FAT4: variants seen among roughly 807,000 people sequenced by gnomAD.
The protein encoded by FAT4 is FAT atypical cadherin 4.
In FAT4, 84 loss-of-function variants were observed where a neutral mutation model predicts 303.9. That is an observed-to-expected ratio of 0.28 (90% CI 0.23 to 0.33). The LOEUF (loss-of-function observed/expected upper bound fraction) is 0.33. Among genes scored for constraint, FAT4 ranks in the 10% least tolerant of loss-of-function variants. The pLI is 1.00. For missense variants in FAT4, 6,005 were observed against 6,146.8 expected (o/e 0.98, Z 0.77); for synonymous variants, 2,307 against 2,298.8 (o/e 1.00, Z -0.10).
Position 125,407,063 on chromosome 4 carries a change from G to A in FAT4, c.5491G>A (p.Val1831Ile), listed in dbSNP as rs1351165195. The part of the protein sequence containing the change: ...QSSDMRINIT[V>I]SDVNDHTPKF... ...CTCGGATATGAGAATTAATATCACT[G>A]TCAGTGATGTGAATGACCATACACC... Residue 1831 changes from valine to isoleucine, a missense_variant, in exon 4 of 18, where the codon GTC becomes ATC. Transcript: ENST00000394329. 10 of 1,613,754 alleles carry A rather than the reference G, an allele frequency of 6.2e-6. No individual in the cohort carries two copies. In the South Asian group the frequency reaches 1.1e-4, roughly 18 times the overall value.
intron 2 of FAT4, among the ~76,000 whole-genome samples, chr4:125,371,352 G>A (rs948892467): frequency 2.0e-5 from 3 of 151,776 alleles, no homozygotes; most frequent in Admixed American, 6.6e-5. Flanking sequence ...ATATTATACT[G>A]TGTATGCCTT....
intron 10 of FAT4, among the ~76,000 whole-genome samples, chr4:125,460,483 T>C (rs918098212): frequency 2.6e-5 from 4 of 152,170 alleles, no homozygotes; most frequent in African/African-American, 4.8e-5. Context: ...TCCTTCTCTG[T>C]GTCCATGTGT....
At chr4:125,379,001 C>T (rs534879835) in intron 2 of FAT4, among the ~76,000 whole-genome samples, 62 of 151,098 alleles carry the variant, frequency 4.1e-4, no homozygotes, top group African/African-American at 1.4e-3. Flanking sequence ...AGGTGCATCA[C>T]GTGAACAAGA....
Position 125,318,023 on chromosome 4 carries a change from G to T in FAT4, c.1612G>T (p.Gly538Trp). The T allele has an allele frequency of 6.2e-7, 1 of 1,614,156 alleles. No individual in the cohort carries two copies. The highest frequency in any genetic ancestry group is 8.5e-7 in the Non-Finnish European group (1 of 1,180,022). ...HSGLVTTGSS[G>W]GLDRELASQI... is the part of the protein sequence containing the mutation. ...CGGCCTCGTGACCACTGGGTCCTCT[G>T]GGGGCCTGGACCGTGAACTTGCTTC... Residue 538 changes from glycine (G) to tryptophan (W), a missense_variant, in exon 2 of 18, where the codon GGG becomes TGG. By Grantham distance (184) the Gly-to-Trp change is radical. Transcript: ENST00000394329.
At position 125,487,494 on chromosome 4, in the gene FAT4, A is replaced by C; in HGVS notation, c.12972A>C (p.Arg4324Ser). 1 of 1,614,140 alleles carries C rather than the reference A, an allele frequency of 6.2e-7. No individual in the cohort carries two copies. Among genetic ancestry groups the C allele is most frequent in the Non-Finnish European group, 8.5e-7 (1 of 1,179,988 alleles). The change falls in exon 17 of 18, where the codon AGA becomes AGC. Residue 4324 changes from arginine (R) to serine (S), a missense_variant. Arg to Ser is a moderately radical substitution (Grantham distance 110). Transcript: ENST00000394329. ...NGTATVLSVD[R>S]IYNRDIIHPT... Reference sequence around the variant, plus strand: ...CAGCAACAGTATTGTCTGTTGACAGAATATATAACAGAGATATTATCCACC... The same window carrying C: ...CAGCAACAGTATTGTCTGTTGACAGCATATATAACAGAGATATTATCCACC...
Position 125,449,474 on chromosome 4 carries a change from A to G in FAT4, c.8464A>G (p.Ile2822Val), listed in dbSNP as rs761171886. 14 of 1,613,752 alleles carry G rather than the reference A, an allele frequency of 8.7e-6. No homozygotes were observed. The highest frequency in any genetic ancestry group is 2.7e-5 in the African/African-American group (2 of 74,908). Residue 2822 changes from isoleucine to valine, a missense_variant, in exon 10 of 18, where the codon ATT becomes GTT. Transcript: ENST00000394329. ...SIMDASLPFT[I>V]NPSTGDIVIS... ...AATGGATGCAAGTCTTCCATTTACAATTAATCCCAGCACAGGGGATATTGT... is the reference window on the plus strand; with the variant it reads ...AATGGATGCAAGTCTTCCATTTACAGTTAATCCCAGCACAGGGGATATTGT...
At chr4:125,388,079 G>C (rs1733830124) in intron 2 of FAT4, among the ~76,000 whole-genome samples, 1 of 152,186 alleles carries the variant, frequency 6.6e-6, no homozygotes, top group Admixed American at 6.5e-5. Context: ...TCTGGTAGTA[G>C]TGGGCTAGCA....
intron 12 of FAT4, among the ~76,000 whole-genome samples, chr4:125,473,035 A>C (rs1318391497): frequency 2.6e-5 from 4 of 152,142 alleles, no homozygotes; most frequent in Non-Finnish European, 4.4e-5. Flanking sequence ...TATTTAATTT[A>C]TATAGTGTTT....
Position 125,316,183 on chromosome 4 carries a change from G to C in FAT4, c.-13+206G>C, listed in dbSNP as rs971339519. On this transcript the variant is annotated intron_variant, in intron 1 of 17. Transcript: ENST00000394329. The surrounding 1 kb of genome is among the most constrained non-coding windows in gnomAD (Gnocchi z 5.7). ...ACAGGAGTGTCCCGCGGAATGCCCT[G>C]CCGCTTTTCGCCACAGCATCTCTCT... Among the ~76,000 whole-genome samples, 6 of 152,102 alleles carry C rather than the reference G, an allele frequency of 3.9e-5. No homozygotes were observed. The highest frequency in any genetic ancestry group is 7.4e-5 in the Non-Finnish European group (5 of 68,020).
intron 7 of FAT4, among the ~76,000 whole-genome samples, chr4:125,432,978 C>A (rs932909602): frequency 6.6e-6 from 1 of 152,222 alleles, no homozygotes; most frequent in East Asian, 1.9e-4. Flanking sequence ...TCTCCAAAAC[C>A]ATTTCATTCC....
chr4:125,368,917 A>G (rs1214307700), intron 2 of FAT4, among the ~76,000 whole-genome samples: 1 of 152,140 alleles, frequency 6.6e-6, no homozygotes, highest in East Asian at 1.9e-4. Flanking sequence ...GTTGCTGTAC[A>G]CCCTTTAGAC....
chr4:125,320,273 G>A lies in FAT4; in HGVS notation c.3862G>A (p.Val1288Met), dbSNP rs775537898. ...TGCCTATTCCCTTGTAATTCAAGCA[G>A]TGGATTCAGGGACAATCCCCCTCAA... ...TPAYSLVIQA[V>M]DSGTIPLNST... Residue 1288 changes from valine (V) to methionine (M), a missense_variant, in exon 2 of 18, where the codon GTG becomes ATG. By Grantham distance (21) the Val-to-Met change is conservative (BLOSUM62 1). Coordinates refer to ENST00000394329, the MANE Select transcript of FAT4 (RefSeq NM_001291303.3). 1.9e-6 allele frequency: 3 copies of A among 1,614,164 alleles called. No homozygotes were observed. Among genetic ancestry groups the A allele is most frequent in the African/African-American group, 1.3e-5 (1 of 75,052 alleles).
intron 2 of FAT4, among the ~76,000 whole-genome samples, chr4:125,350,539 T>C (rs188609411): frequency 5.3e-5 from 8 of 151,860 alleles, no homozygotes; most frequent in Admixed American, 4.6e-4. Flanking sequence ...AGGAAGTATG[T>C]GTTGTATAGT....
At chr4:125,330,811 A>T (rs1443149092) in intron 2 of FAT4, among the ~76,000 whole-genome samples, 1 of 152,132 alleles carries the variant, frequency 6.6e-6, no homozygotes, top group Non-Finnish European at 1.5e-5. Flanking sequence ...TTGCCCAAAA[A>T]CTTCCTATTT....
intron 2 of FAT4, among the ~76,000 whole-genome samples, chr4:125,345,465 A>G (rs970129078): frequency 1.8e-4 from 28 of 151,946 alleles, no homozygotes; most frequent in Non-Finnish European, 2.9e-4. Flanking sequence ...AAAACACACA[A>G]AAAGTGGTGA....
At chr4:125,429,439 A>G (rs1353700389) in intron 7 of FAT4, among the ~76,000 whole-genome samples, 1 of 152,208 alleles carries the variant, frequency 6.6e-6, no homozygotes, top group African/African-American at 2.4e-5. Flanking sequence ...AGAGCAAAAC[A>G]TCTGCAATAA....
intron 2 of FAT4, among the ~76,000 whole-genome samples, chr4:125,375,923 C>A (rs556486675): frequency 2.6e-5 from 4 of 152,198 alleles, no homozygotes; most frequent in African/African-American, 9.6e-5. Flanking sequence ...TTTGGGAACA[C>A]CATTTTATAT....
chr4:125,479,991 C>A (rs905904573), intron 15 of FAT4, 126 bp downstream of exon 15: 10 of 689,630 alleles, frequency 1.5e-5, no homozygotes, highest in East Asian at 3.3e-5. Context: ...ATTAAATGGA[C>A]AATAATTGGT....
intron 2 of FAT4, among the ~76,000 whole-genome samples, chr4:125,391,691 A>T (rs1733985199): frequency 6.6e-6 from 1 of 152,234 alleles, no homozygotes; most frequent in Non-Finnish European, 1.5e-5. Context: ...AGTCATTATT[A>T]TGAGTAGTTA....
Sources: allele counts gnomAD v4.1 joint callset (sites outside exome capture counted in the v4.1 genomes callset), GRCh38; gene constraint gnomAD v4.1.1; non-coding constraint Gnocchi (gnomAD v3.1); transcripts MANE v1.5; gene names NCBI Gene and HGNC (gene_info 2026-07-23, HGNC 2026-07-21).